Variants in FAM76A observed in about 807,000 individuals in gnomAD.
The protein encoded by FAM76A is protein FAM76A.
A neutral mutation model predicts 46.2 loss-of-function variants in FAM76A; 32 were observed. The ratio of observed to expected loss-of-function variants is 0.69; its 90% CI spans 0.52 to 0.93. The LOEUF is 0.93. FAM76A is among the 40% of genes least tolerant of loss of function. FAM76A has a pLI of 0.00. For synonymous variants in FAM76A, 137 were observed against 127.0 expected (o/e 1.08, Z -0.53); for missense variants, 274 against 361.5 (o/e 0.76, Z 1.96).
chr1:27,732,585 CTCTT>C lies in FAM76A; in HGVS notation c.147-13_147-10del. Reference sequence around the variant, plus strand: ...CAGATATTCTAAGAAAAGCCTGTGTCTCTTTCTTCCTTAACAGTAAAACCAATAC... The same window carrying C: ...CAGATATTCTAAGAAAAGCCTGTGTCTCTTCCTTAACAGTAAAACCAATAC... On this transcript the variant is annotated splice_polypyrimidine_tract_variant and intron_variant, in intron 2 of 8. Coordinates refer to ENST00000373954, the MANE Select transcript of FAM76A (RefSeq NM_152660.3). 3 of 1,599,656 alleles carry C rather than the reference CTCTT, an allele frequency of 1.9e-6. No homozygotes were observed. The African/African-American group carries it at 4.0e-5, about 21-fold the overall frequency.
intron 8 of FAM76A, 107 bp downstream of exon 8, chr1:27,759,734 G>T: frequency 9.9e-6 from 7 of 707,408 alleles, no homozygotes; most frequent in African/African-American, 2.0e-5. Context: ...TTTTCTCAAA[G>T]TATTAACAAA....
Position 27,762,538 on chromosome 1 carries a change from A to G in FAM76A, c.*1957A>G, listed in dbSNP as rs1302902017. The G allele has an allele frequency of 2.6e-5, 4 of 152,172 alleles. No homozygotes were observed. The highest frequency in any genetic ancestry group is 9.7e-5 in the African/African-American group (4 of 41,450). 9.4% of individuals were successfully genotyped at this position (152,172 alleles called of 1,614,324 possible). Reference sequence around the variant, plus strand: ...ACACATAATTGGACAGAGATGTGGAAATGGTGGTTTCCTTCTGATAAGGGA... The same window carrying G: ...ACACATAATTGGACAGAGATGTGGAGATGGTGGTTTCCTTCTGATAAGGGA... On this transcript the variant is annotated 3_prime_UTR_variant, in exon 9 of 9. Coordinates refer to ENST00000373954, the MANE Select transcript of FAM76A (RefSeq NM_152660.3).
intron 7 of FAM76A, among the ~76,000 whole-genome samples, chr1:27,757,185 ATTC>A (rs1302530645): frequency 2.8e-5 from 3 of 108,808 alleles, no homozygotes; most frequent in East Asian, 2.8e-4. Context: ...TAACTCATTT[ATTC>A]TTTTTTTTTT....
At chr1:27,755,360 G>A in intron 7 of FAM76A, 30 bp downstream of exon 7, 1 of 1,612,616 alleles carries the variant, frequency 6.2e-7, no homozygotes, top group Non-Finnish European at 8.5e-7. Context: ...TCTCTGACCA[G>A]AATGATGCGA....
chr1:27,759,896 T>C (rs2088477690), intron 8 of FAM76A: 2 of 530,096 alleles, frequency 3.8e-6, no homozygotes, highest in South Asian at 3.1e-5. Flanking sequence ...CCCTTCCAAG[T>C]AGCGAAGACC....
chr1:27,740,728 C>G, intron 4 of FAM76A: 1 of 419,292 alleles, frequency 2.4e-6, no homozygotes, highest in Non-Finnish European at 4.3e-6. Flanking sequence ...GGCAATACTG[C>G]TTTTCTGAGC....
intron 4 of FAM76A, among the ~76,000 whole-genome samples, chr1:27,739,673 G>A (rs993135427): frequency 2.6e-5 from 4 of 151,952 alleles, no homozygotes; most frequent in Admixed American, 6.6e-5. Context: ...CTGTAGTCTC[G>A]GCTACTTGGG....
chr1:27,755,230 C>T lies in FAM76A; in HGVS notation c.635C>T (p.Thr212Ile), dbSNP rs1322490168. The change falls in exon 7 of 9, where the codon ACT becomes ATT. Residue 212 changes from threonine to isoleucine, a missense_variant. Thr to Ile is a moderately conservative substitution (Grantham distance 89). Transcript: ENST00000373954. ...SPDLALDSPG[T>I]DHFVIIAQLK... ...GACCTGGCTCTGGACTCACCAGGCA[C>T]TGACCACTTTGTCATCATTGCCCAA... 1 of 1,614,188 alleles carries T rather than the reference C, an allele frequency of 6.2e-7. No homozygotes were observed. The highest frequency in any genetic ancestry group is 1.1e-5 in the South Asian group (1 of 91,084).
intron 4 of FAM76A, among the ~76,000 whole-genome samples, chr1:27,735,309 G>A (rs1397026365): frequency 6.6e-6 from 1 of 152,050 alleles, no homozygotes; most frequent in Non-Finnish European, 1.5e-5. Flanking sequence ...CTCACATATC[G>A]AAAACTAGTC....
intron 4 of FAM76A, chr1:27,740,337 A>G: frequency 1.0e-6 from 1 of 958,474 alleles, no homozygotes; most frequent in South Asian, 1.3e-5. Flanking sequence ...GGCACCATGG[A>G]CTAATCAAAT....
In FAM76A at chr1:27,732,596, T is replaced by C; in HGVS notation, c.147-7T>C. 6.2e-7 allele frequency: 1 copy of C among 1,604,800 alleles called. No homozygotes were observed. Among genetic ancestry groups the C allele is most frequent in the Non-Finnish European group, 8.5e-7 (1 of 1,173,036 alleles). ...AGAAAAGCCTGTGTCTCTTTCTTCC[T>C]TAACAGTAAAACCAATACAATATGC... On this transcript the variant is annotated splice_polypyrimidine_tract_variant and splice_region_variant and intron_variant, in intron 2 of 8. Transcript: ENST00000373954.
At chr1:27,727,800 ATTTTTT>A (rs10716346) in intron 2 of FAM76A, among the ~76,000 whole-genome samples, 7 of 64,544 alleles carry the variant, frequency 1.1e-4, no homozygotes, top group South Asian at 1.3e-3. Flanking sequence ...GATTGCTTAA[ATTTTTT>A]TTTTTTTTTT....
At chr1:27,732,578 C>T in intron 2 of FAM76A, 25 bp from the exon 3 acceptor site, 1 of 1,595,012 alleles carries the variant, frequency 6.3e-7, no homozygotes, top group Non-Finnish European at 8.6e-7. Context: ...CTAAGAAAAG[C>T]CTGTGTCTCT....
At chr1:27,757,076 A>T (rs2088420645) in intron 7 of FAM76A, among the ~76,000 whole-genome samples, 1 of 151,986 alleles carries the variant, frequency 6.6e-6, no homozygotes, top group Non-Finnish European at 1.5e-5. Context: ...ACAAACAAAA[A>T]AGAATATCTC....
intron 4 of FAM76A, chr1:27,740,633 C>A (rs2088135651): frequency 1.6e-6 from 1 of 609,494 alleles, no homozygotes; most frequent in Non-Finnish European, 2.9e-6. Flanking sequence ...TCAGTGAGAC[C>A]ACAAGGAGCC....
At chr1:27,726,280 C>A in intron 1 of FAM76A, 119 bp downstream of exon 1, 1 of 929,190 alleles carries the variant, frequency 1.1e-6, no homozygotes, top group Non-Finnish European at 1.4e-6. Flanking sequence ...GCCCGCCAGG[C>A]TGAGGAGCCG....
intron 4 of FAM76A, among the ~76,000 whole-genome samples, chr1:27,735,374 C>A (rs1291186271): frequency 1.3e-5 from 2 of 152,198 alleles, no homozygotes; most frequent in African/African-American, 4.8e-5. Context: ...GCTCTTTGTC[C>A]ATCTCGTTCT....
intron 7 of FAM76A, among the ~76,000 whole-genome samples, chr1:27,757,697 C>A (rs911972159): frequency 1.3e-5 from 2 of 151,684 alleles, no homozygotes; most frequent in Non-Finnish European, 2.9e-5. Flanking sequence ...GCCTTTGAGG[C>A]CGGGCTTGGT....
At chr1:27,733,978 C>T (rs536931740) in intron 3 of FAM76A, 53 bp from the exon 4 acceptor site, 155 of 1,529,630 alleles carry the variant, frequency 1.0e-4, no homozygotes, top group Middle Eastern at 6.8e-4. Context: ...TTTTTAAATG[C>T]AGTGGTATTT....
Sources: allele counts gnomAD v4.1 joint callset (sites outside exome capture counted in the v4.1 genomes callset), GRCh38; gene constraint gnomAD v4.1.1; transcripts MANE v1.5; gene names NCBI Gene and HGNC (gene_info 2026-07-23, HGNC 2026-07-21).